ZNF365: variants seen among roughly 807,000 people sequenced by gnomAD.
The protein encoded by ZNF365 is zinc finger protein 365, also known as protein ZNF365.
ZNF365 carries 22 observed loss-of-function variants against 35.0 expected under a neutral mutation model. That is an observed-to-expected ratio of 0.63 (90% confidence interval 0.45 to 0.90). ZNF365 has a LOEUF of 0.90. Ranked by LOEUF, ZNF365 falls within the 40% of genes least tolerant of loss-of-function variation. ZNF365 has a pLI of 0.00. For missense variants in ZNF365, 448 were observed against 500.3 expected (o/e 0.90, Z 1.00); for synonymous variants, 188 against 196.2 (o/e 0.96, Z 0.35).
At chr10:62,387,527 A>G (rs1839544906) in intron 2 of ZNF365, among the ~76,000 whole-genome samples, 1 of 152,236 alleles carries the variant, frequency 6.6e-6, no homozygotes, top group South Asian at 2.1e-4. Context: ...TAATAAAGTT[A>G]TTAGAATTTT....
intron 3 of ZNF365, among the ~76,000 whole-genome samples, chr10:62,450,935 A>T (rs1252990080): frequency 6.6e-6 from 1 of 152,210 alleles, no homozygotes; most frequent in African/African-American, 2.4e-5. Context: ...TTAAGACAAG[A>T]GTTATCTTTT....
chr10:62,455,740 ATATTTGGTTATT>A, intron 3 of ZNF365, among the ~76,000 whole-genome samples: 1 of 152,150 alleles, frequency 6.6e-6, no homozygotes, highest in East Asian at 1.9e-4. Context: ...GAACTTACAT[ATATTTGGTTATT>A]TAATTCTCAC....
At chr10:62,405,146 A>T (rs55733758), downstream of ZNF365, among the ~76,000 whole-genome samples, 6,507 of 152,258 alleles carry the variant, frequency 0.043, 236 homozygotes, top group South Asian at 0.11. Flanking sequence ...TGGCTCCTGA[A>T]TGCAAGCCAG....
intron 4 of ZNF365, among the ~76,000 whole-genome samples, chr10:62,471,067 G>T (rs1841025710): frequency 6.6e-6 from 1 of 151,880 alleles, no homozygotes; most frequent in South Asian, 2.1e-4. Flanking sequence ...TTGAGGTAAG[G>T]ATCAAATAGG....
downstream of ZNF365, among the ~76,000 whole-genome samples, chr10:62,403,333 C>T (rs995645046): frequency 7.2e-5 from 11 of 152,142 alleles, no homozygotes; most frequent in African/African-American, 2.4e-4. Flanking sequence ...AAGGGTTTGT[C>T]TTGCTACCTT....
At chr10:62,389,442 T>TTG (rs1172923417) in intron 3 of ZNF365, among the ~76,000 whole-genome samples, 75 of 151,932 alleles carry the variant, frequency 4.9e-4, no homozygotes, top group Admixed American at 4.3e-3. Context: ...TAGTTTTGTT[T>TTG]TTTTTTTTAC....
chr10:62,386,118 C>G (rs771785791), intron 2 of ZNF365, among the ~76,000 whole-genome samples: 1 of 152,120 alleles, frequency 6.6e-6, no homozygotes, highest in Admixed American at 6.5e-5. Flanking sequence ...CCCAAAGGAC[C>G]TAAACCATAA....
chr10:62,384,122 T>TA (rs547364711), intron 2 of ZNF365, among the ~76,000 whole-genome samples: 12,703 of 137,714 alleles, frequency 0.092, 603 homozygotes, highest in Middle Eastern at 0.14. Context: ...TTTTTTTTTT[T>TA]AAATAAAGAA....
intron 2 of ZNF365, among the ~76,000 whole-genome samples, chr10:62,382,395 T>C (rs1839454923): frequency 6.6e-6 from 1 of 152,146 alleles, no homozygotes; most frequent in Admixed American, 6.5e-5. Flanking sequence ...CAGGATGTGT[T>C]CCTTGCAGAC....
At chr10:62,421,517 G>A (rs1227662642) in intron 3 of ZNF365, among the ~76,000 whole-genome samples, 2 of 152,152 alleles carry the variant, frequency 1.3e-5, no homozygotes, top group Non-Finnish European at 2.9e-5. Context: ...TCCGTATCAC[G>A]TAAAGCCAGG....
intron 3 of ZNF365, among the ~76,000 whole-genome samples, chr10:62,436,000 G>A (rs970520148): frequency 3.3e-5 from 5 of 152,134 alleles, no homozygotes; most frequent in African/African-American, 1.2e-4. Context: ...TTTCACACCT[G>A]AGACTCTTCA....
At chr10:62,427,404 A>T (rs1013393208) in intron 3 of ZNF365, among the ~76,000 whole-genome samples, 2 of 152,202 alleles carry the variant, frequency 1.3e-5, no homozygotes, top group African/African-American at 4.8e-5. Context: ...AGGCTATACC[A>T]CATACCCTAG....
intron 3 of ZNF365, among the ~76,000 whole-genome samples, chr10:62,455,865 TA>T (rs1840754145): frequency 6.6e-6 from 1 of 152,232 alleles, no homozygotes; most frequent in Non-Finnish European, 1.5e-5. Flanking sequence ...CAGTAACTTG[TA>T]AGTATCAGAG....
chr10:62,387,075 T>G (rs1419633079), intron 2 of ZNF365, among the ~76,000 whole-genome samples: 7 of 152,226 alleles, frequency 4.6e-5, no homozygotes, highest in Admixed American at 3.3e-4. Context: ...AGTAAAATTA[T>G]GGAACTCATT....
intron 3 of ZNF365, among the ~76,000 whole-genome samples, chr10:62,450,805 G>A (rs961045513): frequency 2.0e-5 from 3 of 152,180 alleles, no homozygotes; most frequent in Non-Finnish European, 2.9e-5. Context: ...TGTGTTTTGT[G>A]CTTAGATTAA....
At chr10:62,444,881 C>T (rs545516814) in intron 3 of ZNF365, among the ~76,000 whole-genome samples, 80 of 152,166 alleles carry the variant, frequency 5.3e-4, no homozygotes, top group Middle Eastern at 3.4e-3. Context: ...CCCATTAACT[C>T]GTCAGTTAGT....
chr10:62,471,647 G>A (rs974404194), intron 4 of ZNF365, among the ~76,000 whole-genome samples: 8 of 151,982 alleles, frequency 5.3e-5, no homozygotes, highest in South Asian at 2.1e-4. Context: ...TACCTATACC[G>A]TACACCCACC....
chr10:62,446,921 C>T (rs1194566679), intron 3 of ZNF365, among the ~76,000 whole-genome samples: 2 of 152,116 alleles, frequency 1.3e-5, no homozygotes, highest in East Asian at 1.9e-4. Context: ...TGGGAAAAGA[C>T]AAAAGGCTGA....
intron 4 of ZNF365, among the ~76,000 whole-genome samples, chr10:62,477,520 C>A (rs145383860): frequency 2.0e-5 from 3 of 152,270 alleles, no homozygotes; most frequent in African/African-American, 7.2e-5. Flanking sequence ...AGGCACATTA[C>A]TTGGCATTAT....
Sources: allele counts gnomAD v4.1 joint callset (sites outside exome capture counted in the v4.1 genomes callset), GRCh38; gene constraint gnomAD v4.1.1; transcripts MANE v1.5; gene names NCBI Gene and HGNC (gene_info 2026-07-23, HGNC 2026-07-21).